Variants in ZNF479 observed in about 807,000 individuals in gnomAD.
ZNF479 encodes the protein KRAB zinc finger protein KR19.
ZNF479 carries 15 observed loss-of-function variants against 14.7 expected under a neutral mutation model. The ratio of observed to expected loss-of-function variants is 1.02; its 90% CI spans 0.68 to 1.57. The LOEUF (loss-of-function observed/expected upper bound fraction) is 1.57. ZNF479 is among the 40% of genes most tolerant of loss of function. ZNF479 has a pLI of 0.00. For synonymous variants in ZNF479, 145 were observed against 211.5 expected (o/e 0.69, Z 2.73); for missense variants, 506 against 615.1 (o/e 0.82, Z 1.88).
At position 57,120,040 on chromosome 7, in the gene ZNF479, G is replaced by T. The variant is rs1785838188; in HGVS notation, c.1375C>A (p.His459Asn). 1.9e-6 allele frequency: 3 copies of T among 1,613,868 alleles called. No homozygotes were observed. Among genetic ancestry groups the T allele is most frequent in the Non-Finnish European group, 2.5e-6 (3 of 1,180,000 alleles). Residue 459 changes from histidine to asparagine, a missense_variant, in exon 4 of 4, where the codon CAT (histidine) becomes AAT (asparagine). By Grantham distance (68) the His-to-Asn change is moderately conservative (BLOSUM62 1). Coordinates refer to ENST00000319636, the MANE Select transcript of ZNF479 (RefSeq NM_001370129.2). ...SSTLTDHKRI[H>N]TGERPYTCEE... ...CATGTGTAGGGTCTCTCTCCAGTAT[G>T]AATTCTCTTGTGGTCAGTGAGGGTT... is the stretch of plus-strand genomic sequence containing the variant.
chr7:57,133,805 G>T (rs376964494), upstream of ZNF479, among the ~76,000 whole-genome samples: 3 of 152,122 alleles, frequency 2.0e-5, no homozygotes, highest in East Asian at 3.9e-4. Flanking sequence ...GGCAGAGGTT[G>T]CAGTGACCCG....
At chr7:57,127,937 ATTT>A (rs377564394) in intron 1 of ZNF479, among the ~76,000 whole-genome samples, 28,603 of 139,160 alleles carry the variant, frequency 0.21, 3,047 homozygotes, top group East Asian at 0.29. Flanking sequence ...ATATATATAT[ATTT>A]TTTTTTTTTT....
intron 3 of ZNF479, among the ~76,000 whole-genome samples, chr7:57,124,708 A>T (rs951924822): frequency 6.6e-6 from 1 of 152,236 alleles, no homozygotes; most frequent in African/African-American, 2.4e-5. Flanking sequence ...ATCACATGTG[A>T]TAAGACTTAA....
At chr7:57,129,713 G>A (rs1243513184) in intron 1 of ZNF479, among the ~76,000 whole-genome samples, 1 of 152,074 alleles carries the variant, frequency 6.6e-6, no homozygotes, top group African/African-American at 2.4e-5. Flanking sequence ...ATAGCACCCT[G>A]GGAGTTGGTA....
At chr7:57,133,226 G>A (rs1379465871), upstream of ZNF479, among the ~76,000 whole-genome samples, 9 of 152,108 alleles carry the variant, frequency 5.9e-5, no homozygotes, top group Admixed American at 2.0e-4. Flanking sequence ...ATGCTGTTCT[G>A]GTGGTAGTAA....
At chr7:57,122,856 T>C (rs1786012033) in intron 3 of ZNF479, among the ~76,000 whole-genome samples, 1 of 152,094 alleles carries the variant, frequency 6.6e-6, no homozygotes. Context: ...TATATGTATA[T>C]GCATATATAA....
intron 3 of ZNF479, among the ~76,000 whole-genome samples, chr7:57,125,288 T>C (rs1378757765): frequency 6.6e-6 from 1 of 152,010 alleles, no homozygotes; most frequent in African/African-American, 2.4e-5. Context: ...AATTGAAACC[T>C]ATGTAAGTTG....
At chr7:57,135,685 T>G (rs1451123926), upstream of ZNF479, among the ~76,000 whole-genome samples, 2 of 152,172 alleles carry the variant, frequency 1.3e-5, no homozygotes, top group Non-Finnish European at 2.9e-5. Context: ...AGTGCTGGGA[T>G]TACAGGCATG....
chr7:57,132,303 G>C lies in ZNF479; in HGVS notation c.22C>G (p.Pro8Ala). 2 of 1,614,070 alleles carry C rather than the reference G, an allele frequency of 1.2e-6. No individual in the cohort carries two copies. The highest frequency in any genetic ancestry group is 1.7e-6 in the Non-Finnish European group (2 of 1,180,010). MAKRPGP[P>A]GSREMGLLTF... Reference sequence around the variant, plus strand: ...GCACTCACCATTTCTCGGCTTCCAGGGGGTCCTGGTCTTTTAGCCATAAAT... The same window carrying C: ...GCACTCACCATTTCTCGGCTTCCAGCGGGTCCTGGTCTTTTAGCCATAAAT... Residue 8 changes from proline to alanine, a missense_variant, in exon 1 of 4, where the codon CCT becomes GCT. Coordinates refer to ENST00000319636, the MANE Select transcript of ZNF479 (RefSeq NM_001370129.2).
chr7:57,125,255 A>G (rs1229708788), intron 3 of ZNF479, among the ~76,000 whole-genome samples: 2 of 152,142 alleles, frequency 1.3e-5, no homozygotes, highest in Non-Finnish European at 2.9e-5. Context: ...TTTTTAAAAC[A>G]CCAACTGTTG....
At chr7:57,132,548 C>T (rs1221004766), upstream of ZNF479, among the ~76,000 whole-genome samples, 1 of 152,136 alleles carries the variant, frequency 6.6e-6, no homozygotes, top group East Asian at 1.9e-4. Flanking sequence ...CCTTCATGCC[C>T]TGAGTGAGGG....
chr7:57,120,605 C>T lies in ZNF479; in HGVS notation c.810G>A (p.Thr270=), dbSNP rs375825874. The change falls in exon 4 of 4, where the codon ACG becomes ACA. Residue 270 remains threonine (T), a synonymous_variant. Transcript: ENST00000319636. ...KRTHTGEKPY[T]CEECGQAFRR... ...TAAAGGCTTGGCCACATTCTTCACA[C>T]GTGTAGGGTTTCTCTCCAGTATGAG... 616 of 1,609,972 alleles carry T rather than the reference C, an allele frequency of 3.8e-4. No homozygotes were observed. The African/African-American group carries it at 6.8e-3, about 18-fold the overall frequency.
intron 3 of ZNF479, among the ~76,000 whole-genome samples, chr7:57,125,611 A>G (rs13438512): frequency 0.13 from 19,995 of 149,078 alleles, no homozygotes; most frequent in East Asian, 0.26. Flanking sequence ...AGAAAAATGG[A>G]TGACCACCAA....
chr7:57,135,172 C>T (rs1008060854), upstream of ZNF479, among the ~76,000 whole-genome samples: 4 of 152,106 alleles, frequency 2.6e-5, no homozygotes, highest in East Asian at 1.9e-4. Context: ...AGAATGGGAT[C>T]GGGTTAGTAG....
upstream of ZNF479, among the ~76,000 whole-genome samples, chr7:57,135,310 A>G (rs11980919): frequency 0.29 from 43,410 of 152,056 alleles, 7,154 homozygotes; most frequent in East Asian, 0.53. Flanking sequence ...TCTTTCCTAA[A>G]ATTTAGGGGG....
chr7:57,123,367 A>G (rs572226663), intron 3 of ZNF479, among the ~76,000 whole-genome samples: 2 of 152,298 alleles, frequency 1.3e-5, no homozygotes, highest in East Asian at 3.9e-4. Flanking sequence ...TTAGGCCCCA[A>G]TCCAACAGTG....
upstream of ZNF479, among the ~76,000 whole-genome samples, chr7:57,136,092 C>T (rs1786644942): frequency 6.6e-6 from 1 of 151,714 alleles, no homozygotes; most frequent in African/African-American, 2.4e-5. Context: ...AGTCAGAAGT[C>T]CCTGAAACAG....
chr7:57,120,595 A>T lies in ZNF479; in HGVS notation c.820T>A (p.Cys274Ser), dbSNP rs1785883664. The stretch of plus-strand genomic sequence containing the variant: ...GAGGAGCGCCTAAAGGCTTGGCCAC[A>T]TTCTTCACACGTGTAGGGTTTCTCT... ...TGEKPYTCEE[C>S]GQAFRRSSAL... Residue 274 changes from cysteine to serine, a missense_variant, in exon 4 of 4, where the codon TGT (cysteine) becomes AGT (serine). Cys to Ser is a moderately radical substitution (Grantham distance 112). Coordinates refer to ENST00000319636, the MANE Select transcript of ZNF479 (RefSeq NM_001370129.2). The T allele has an allele frequency of 6.2e-7, 1 of 1,613,990 alleles. No individual in the cohort carries two copies. Among genetic ancestry groups the T allele is most frequent in the South Asian group, 1.1e-5 (1 of 91,080 alleles).
chr7:57,122,829 T>C (rs1317183008), intron 3 of ZNF479, among the ~76,000 whole-genome samples: 2 of 152,118 alleles, frequency 1.3e-5, no homozygotes, highest in African/African-American at 4.8e-5. Flanking sequence ...TAGGAATCTA[T>C]AATTATTATG....
Sources: allele counts gnomAD v4.1 joint callset (sites outside exome capture counted in the v4.1 genomes callset), GRCh38; gene constraint gnomAD v4.1.1; transcripts MANE v1.5; gene names NCBI Gene and HGNC (gene_info 2026-07-23, HGNC 2026-07-21).